RGS7: variants seen among roughly 807,000 people sequenced by gnomAD.
RGS7 encodes the protein regulator of G protein signaling 7.
Under a neutral mutation model 81.1 loss-of-function variants are expected in RGS7, and 27 were observed. That is an observed-to-expected ratio of 0.33 (90% CI 0.25 to 0.46). The LOEUF is 0.46. Ranked by LOEUF, RGS7 falls within the 20% of genes least tolerant of loss-of-function variation. RGS7 has a pLI of 1.00. For synonymous variants in RGS7, 208 were observed against 207.7 expected, an observed-to-expected ratio of 1.00 and a Z score of -0.01; for missense variants, 396 against 607.4, an observed-to-expected ratio of 0.65 and a Z score of 3.66.
At chr1:241,009,311 A>G (rs75921934) in intron 3 of RGS7, among the ~76,000 whole-genome samples, 3,020 of 152,268 alleles carry the variant, frequency 0.02, 89 homozygotes, top group African/African-American at 0.066. Flanking sequence ...CTGCCTGTAT[A>G]AGCAAGACCT....
intron 2 of RGS7, among the ~76,000 whole-genome samples, chr1:241,250,653 G>A (rs1464496137): frequency 6.6e-6 from 1 of 152,186 alleles, no homozygotes; most frequent in Non-Finnish European, 1.5e-5. Context: ...GGTAAGCACT[G>A]TGCCTTTATT....
intron 3 of RGS7, among the ~76,000 whole-genome samples, chr1:241,027,860 G>C (rs1015263956): frequency 6.6e-6 from 1 of 152,192 alleles, no homozygotes; most frequent in Non-Finnish European, 1.5e-5. Flanking sequence ...GGAGAATATA[G>C]AAATACTGAA....
chr1:241,119,485 T>C (rs928156072), intron 2 of RGS7, among the ~76,000 whole-genome samples: 2 of 152,238 alleles, frequency 1.3e-5, no homozygotes, highest in Non-Finnish European at 2.9e-5. Context: ...TCTGAAACTT[T>C]TAACAATGAA....
At chr1:241,307,646 C>T (rs1396829184) in intron 2 of RGS7, among the ~76,000 whole-genome samples, 1 of 151,994 alleles carries the variant, frequency 6.6e-6, no homozygotes, top group Non-Finnish European at 1.5e-5. Context: ...TTAATAGGCC[C>T]TATTTATAAA....
Position 240,870,122 on chromosome 1 carries a change from G to GAA in RGS7, c.386-5_386-4dup. The GAA allele has an allele frequency of 6.2e-7, 1 of 1,604,478 alleles. No homozygotes were observed. The highest frequency in any genetic ancestry group is 8.5e-7 in the Non-Finnish European group (1 of 1,173,230). On this transcript the variant is annotated splice_region_variant and splice_polypyrimidine_tract_variant and intron_variant, in intron 6 of 18. Transcript: ENST00000440928. The stretch of plus-strand genomic sequence containing the variant: ...TGTTCTCTTGCAGAGGTAAACGGCT[G>GAA]AAAAAAAAATCAATCATTTCTTGCC...
intron 9 of RGS7, among the ~76,000 whole-genome samples, chr1:240,858,073 G>A (rs1287743724): frequency 1.3e-5 from 2 of 152,090 alleles, no homozygotes; most frequent in African/African-American, 4.8e-5. Context: ...CCAGTCTTGG[G>A]TATGTCTTTA....
chr1:240,786,050 C>T (rs1685005534), intron 18 of RGS7, among the ~76,000 whole-genome samples: 1 of 152,148 alleles, frequency 6.6e-6, no homozygotes, highest in Non-Finnish European at 1.5e-5. Flanking sequence ...CTTATGAACA[C>T]ATATACATTT....
At chr1:241,079,195 C>G (rs1878730) in intron 3 of RGS7, among the ~76,000 whole-genome samples, 24,444 of 152,118 alleles carry the variant, frequency 0.16, 2,033 homozygotes, top group African/African-American at 0.19. Context: ...CAAATAATTA[C>G]ACTGAGTGCT....
chr1:241,264,238 C>T (rs1219117933), intron 2 of RGS7, among the ~76,000 whole-genome samples: 1 of 152,208 alleles, frequency 6.6e-6, no homozygotes, highest in Non-Finnish European at 1.5e-5. Flanking sequence ...TGACTCATGC[C>T]TGTAATTCCA....
intron 3 of RGS7, among the ~76,000 whole-genome samples, chr1:241,032,762 C>T (rs2060140457): frequency 6.6e-6 from 1 of 152,102 alleles, no homozygotes; most frequent in Non-Finnish European, 1.5e-5. Context: ...AGATTGACTT[C>T]TTCATGGGTT....
chr1:240,828,506 C>T (rs148926563), intron 9 of RGS7, among the ~76,000 whole-genome samples: 20 of 152,210 alleles, frequency 1.3e-4, no homozygotes, highest in Admixed American at 9.2e-4. Context: ...TAAAAAACAT[C>T]GGCCAGGTGC....
chr1:241,041,359 T>C (rs529507438), intron 3 of RGS7, among the ~76,000 whole-genome samples: 22 of 151,978 alleles, frequency 1.4e-4, no homozygotes, highest in Non-Finnish European at 2.5e-4. Flanking sequence ...CCTTGTCAGT[T>C]CATTTTGTAT....
At chr1:241,005,972 A>C (rs560674841) in intron 3 of RGS7, among the ~76,000 whole-genome samples, 1 of 152,264 alleles carries the variant, frequency 6.6e-6, no homozygotes, top group Non-Finnish European at 1.5e-5. Context: ...AATTTTTTCC[A>C]GTTTATGGCT....
At chr1:240,905,407 G>A (rs959863021) in intron 6 of RGS7, among the ~76,000 whole-genome samples, 5 of 152,186 alleles carry the variant, frequency 3.3e-5, no homozygotes, top group South Asian at 2.1e-4. Context: ...ACAGGTAGGC[G>A]GAGAGAGGAA....
intron 4 of RGS7, among the ~76,000 whole-genome samples, chr1:240,940,077 C>A (rs1677327708): frequency 6.6e-6 from 1 of 151,980 alleles, no homozygotes; most frequent in African/African-American, 2.4e-5. Flanking sequence ...AACACTCTAT[C>A]TCAAAAAATT....
chr1:241,120,712 T>C (rs993048634), intron 2 of RGS7, among the ~76,000 whole-genome samples: 6 of 152,038 alleles, frequency 3.9e-5, no homozygotes, highest in Admixed American at 3.9e-4. Context: ...AGTACACATA[T>C]GTGTCCAAAA....
At position 241,220,979 on chromosome 1, in the gene RGS7, AAGGAAGG is replaced by A. The variant is rs1558203009; in HGVS notation, c.79-122224_79-122218del. 6.3e-3 allele frequency among the ~76,000 whole-genome samples: 505 copies of A among 79,578 alleles called. 10 individuals are homozygous for A. The highest frequency in any genetic ancestry group is 9.2e-3 in the African/African-American group (219 of 23,810). The allele number at this position is 79,578 out of a possible 152,430, so 52.2% of individuals were successfully genotyped here. A position where few individuals can be genotyped will look rare whatever the true frequency, so the allele number is the denominator to read the frequency against. ...GAAGGAAGGAAGGAAGGAAGGAAGG[AAGGAAGG>A]AAGGAAGGAAGAGAGAGAGAAAGGA... On this transcript the variant is annotated intron_variant, in intron 2 of 18. Coordinates refer to ENST00000440928, the MANE Select transcript of RGS7 (RefSeq NM_001364886.1).
At chr1:241,013,128 T>A (rs2059050591) in intron 3 of RGS7, among the ~76,000 whole-genome samples, 2 of 145,180 alleles carry the variant, frequency 1.4e-5, no homozygotes, top group Admixed American at 1.4e-4. Context: ...AGTGGTGTGA[T>A]CTCGGCTCAC....
rs562121739 is a variant in RGS7 at position 240,973,844 on chromosome 1, T to C, written c.226+9235A>G. On this transcript the variant is annotated intron_variant, in intron 4 of 18. Transcript: ENST00000440928. ...ATCCATCCGCCTCGGCCTCCCAAAG[T>C]GCTGGGATTACAGGCGTGAGCCACT... is the stretch of plus-strand genomic sequence containing the variant. Among the ~76,000 whole-genome samples the C allele has an allele frequency of 2.0e-4, 30 of 152,100 alleles. No individual in the cohort carries two copies. The South Asian group carries it at 6.2e-3, about 32-fold the overall frequency.
Sources: allele counts gnomAD v4.1 joint callset (sites outside exome capture counted in the v4.1 genomes callset), GRCh38; gene constraint gnomAD v4.1.1; transcripts MANE v1.5; gene names NCBI Gene and HGNC (gene_info 2026-07-23, HGNC 2026-07-21).